Variants in STXBP5L observed in about 807,000 individuals in gnomAD.
The protein encoded by STXBP5L is syntaxin binding protein 5L.
In STXBP5L, 65 loss-of-function variants were observed where a neutral mutation model predicts 144.5. The ratio of observed to expected loss-of-function variants is 0.45; its 90% CI spans 0.37 to 0.55. The LOEUF (loss-of-function observed/expected upper bound fraction) is 0.55, where lower values mean the gene tolerates loss of function less well. STXBP5L is among the 20% of genes least tolerant of loss of function. STXBP5L has a pLI of 0.00. For missense variants in STXBP5L, 1,298 were observed against 1,405.5 expected, an observed-to-expected ratio of 0.92 and a Z score of 1.22; for synonymous variants, 505 against 469.6, an observed-to-expected ratio of 1.08 and a Z score of -0.97.
chr3:121,115,867 A>G (rs563105931), intron 6 of STXBP5L, among the ~76,000 whole-genome samples: 1 of 152,084 alleles, frequency 6.6e-6, no homozygotes, highest in Non-Finnish European at 1.5e-5. Context: ...ACACTTTCAA[A>G]CAACAAGATC....
intron 3 of STXBP5L, among the ~76,000 whole-genome samples, chr3:120,998,620 A>G (rs1476122472): frequency 6.6e-6 from 1 of 152,158 alleles, no homozygotes; most frequent in South Asian, 2.1e-4. Context: ...ATTAGGAGTG[A>G]GAACACGTGG....
intron 5 of STXBP5L, among the ~76,000 whole-genome samples, chr3:121,089,633 C>A (rs943095958): frequency 2.6e-5 from 4 of 151,880 alleles, no homozygotes; most frequent in Non-Finnish European, 5.9e-5. Flanking sequence ...CAGCTTCTTG[C>A]ATTTTTTAGC....
At position 121,094,368 on chromosome 3, in the gene STXBP5L, G is replaced by A. The variant is rs537370963; in HGVS notation, c.471-20557G>A. 2.0e-4 allele frequency among the ~76,000 whole-genome samples: 31 copies of A among 152,178 alleles called. No individual in the cohort carries two copies. The East Asian group carries it at 5.6e-3, about 27-fold the overall frequency. ...CGTTGATCTGTCTAATGTTGACAGT[G>A]GGGTGTTAAAGTCTCCCATTATTAT... On this transcript the variant is annotated intron_variant, in intron 5 of 26. Transcript: ENST00000471454.
chr3:121,296,923 G>A (rs993020018), intron 19 of STXBP5L, among the ~76,000 whole-genome samples: 2 of 152,256 alleles, frequency 1.3e-5, no homozygotes, highest in East Asian at 1.9e-4. Context: ...CAGTCTTAAT[G>A]TGCTGTATTC....
At chr3:121,116,026 A>T (rs962025357) in intron 6 of STXBP5L, among the ~76,000 whole-genome samples, 3 of 152,212 alleles carry the variant, frequency 2.0e-5, no homozygotes, top group African/African-American at 7.2e-5. Context: ...CCCACCTTGA[A>T]CATTTAGGGA....
At chr3:120,958,644 A>T (rs1267522084) in intron 3 of STXBP5L, among the ~76,000 whole-genome samples, 1 of 152,190 alleles carries the variant, frequency 6.6e-6, no homozygotes, top group African/African-American at 2.4e-5. Flanking sequence ...ACAGAACCAA[A>T]GACAAAAACC....
At chr3:121,252,173 A>T (rs1017342774) in intron 15 of STXBP5L, among the ~76,000 whole-genome samples, 4 of 152,122 alleles carry the variant, frequency 2.6e-5, no homozygotes, top group Non-Finnish European at 5.9e-5. Flanking sequence ...CAGCCTGGGC[A>T]ACACGGTGAA....
At chr3:121,355,612 T>A (rs1219113357) in intron 20 of STXBP5L, among the ~76,000 whole-genome samples, 1 of 152,168 alleles carries the variant, frequency 6.6e-6, no homozygotes, top group African/African-American at 2.4e-5. Context: ...GTTTTTAGCT[T>A]CCTTGTGATG....
At chr3:121,144,507 C>T (rs564394369) in intron 7 of STXBP5L, among the ~76,000 whole-genome samples, 42 of 152,024 alleles carry the variant, frequency 2.8e-4, no homozygotes, top group African/African-American at 1.0e-3. Context: ...TATTGGAACA[C>T]TTGTATGGTG....
At chr3:121,229,230 T>G (rs2049222347) in intron 11 of STXBP5L, among the ~76,000 whole-genome samples, 1 of 152,200 alleles carries the variant, frequency 6.6e-6, no homozygotes, top group African/African-American at 2.4e-5. Flanking sequence ...TTTACATCTA[T>G]AACTCTCCTT....
At chr3:121,212,626 A>T (rs983471293) in intron 10 of STXBP5L, among the ~76,000 whole-genome samples, 1 of 152,106 alleles carries the variant, frequency 6.6e-6, no homozygotes, top group African/African-American at 2.4e-5. Context: ...GCCTTGCAGT[A>T]TAGTTTGAAG....
chr3:120,967,843 A>G (rs985620643), intron 3 of STXBP5L, among the ~76,000 whole-genome samples: 4 of 152,150 alleles, frequency 2.6e-5, no homozygotes, highest in African/African-American at 9.7e-5. Flanking sequence ...ATTTTCTTTT[A>G]AACTTCTTCA....
chr3:121,280,001 T>C, intron 19 of STXBP5L, 45 bp downstream of exon 19: 1 of 1,580,226 alleles, frequency 6.3e-7, no homozygotes, highest in Non-Finnish European at 8.6e-7. Flanking sequence ...TTTGGTCATC[T>C]GTGTTCTTAT....
At chr3:121,358,574 C>T (rs1219865330) in intron 20 of STXBP5L, among the ~76,000 whole-genome samples, 2 of 152,132 alleles carry the variant, frequency 1.3e-5, no homozygotes, top group African/African-American at 4.8e-5. Flanking sequence ...CATTAGAAAC[C>T]ACCACCATGA....
rs377562142 is a variant in STXBP5L at position 120,928,975 on chromosome 3, C to T, written c.189+19208C>T. On this transcript the variant is annotated intron_variant, in intron 2 of 26. Coordinates refer to ENST00000471454, the MANE Select transcript of STXBP5L (RefSeq NM_001308330.2). ...CGTTTGTATTTGGCAGAGTCCCAAACGCAGGCAGAAGAGTGGGAGAGCTTT... is the reference window on the plus strand; with the variant it reads ...CGTTTGTATTTGGCAGAGTCCCAAATGCAGGCAGAAGAGTGGGAGAGCTTT... 2.4e-4 allele frequency among the ~76,000 whole-genome samples: 37 copies of T among 152,140 alleles called. 1 individual carries two copies. In the East Asian group the frequency reaches 4.8e-3, roughly 20 times the overall value.
chr3:121,197,720 G>T (rs1577186446), intron 9 of STXBP5L, among the ~76,000 whole-genome samples: 1 of 151,802 alleles, frequency 6.6e-6, no homozygotes, highest in African/African-American at 2.4e-5. Context: ...TGTTCTCATT[G>T]TCCAACTCCC....
intron 19 of STXBP5L, among the ~76,000 whole-genome samples, chr3:121,318,176 G>C (rs1347285445): frequency 6.6e-6 from 1 of 151,778 alleles, no homozygotes; most frequent in Non-Finnish European, 1.5e-5. Flanking sequence ...TTTCAGAATA[G>C]GCCAGGCATG....
At chr3:121,042,486 G>T (rs973532563) in intron 4 of STXBP5L, among the ~76,000 whole-genome samples, 10 of 152,096 alleles carry the variant, frequency 6.6e-5, no homozygotes, top group Non-Finnish European at 1.2e-4. Context: ...ATGCAAAAAT[G>T]CTTTAAAAGT....
At chr3:120,977,190 G>T (rs868843151) in intron 3 of STXBP5L, among the ~76,000 whole-genome samples, 3 of 152,164 alleles carry the variant, frequency 2.0e-5, no homozygotes. Flanking sequence ...AAGTCTCTTT[G>T]TAGGTCAGTA....
Sources: gnomAD v4.1 joint callset for allele counts (sites outside exome capture counted in the v4.1 genomes callset) on GRCh38, gnomAD v4.1.1 for gene constraint, MANE v1.5 for transcripts, NCBI Gene and HGNC (gene_info 2026-07-23, HGNC 2026-07-21) for gene names.